SLC8A1: variants seen among roughly 807,000 people sequenced by gnomAD.
The protein encoded by SLC8A1 is sodium/calcium exchanger 1.
A neutral mutation model predicts 68.3 loss-of-function variants in SLC8A1; 18 were observed. The observed-to-expected ratio is 0.26, with a 90% CI of 0.18 to 0.39. SLC8A1 has a LOEUF of 0.39. Ranked by LOEUF, SLC8A1 falls within the 10% of genes least tolerant of loss-of-function variation. SLC8A1 has a pLI of 1.00. For missense variants in SLC8A1, 985 were observed against 1,156.7 expected (o/e 0.85, Z 2.15); for synonymous variants, 475 against 415.5 (o/e 1.14, Z -1.74).
At chr2:40,298,958 G>C (rs2070928627) in intron 2 of SLC8A1, among the ~76,000 whole-genome samples, 1 of 151,990 alleles carries the variant, frequency 6.6e-6, no homozygotes, top group African/African-American at 2.4e-5. Flanking sequence ...CCCCCCAAAA[G>C]TGGCCACATA....
At chr2:40,254,383 A>AGTTGT in intron 2 of SLC8A1, 1 of 146,584 alleles carries the variant, frequency 6.8e-6, no homozygotes. Context: ...AATGCTCTTA[A>AGTTGT]GTTGTAAATC....
chr2:40,288,858 T>C (rs937195049), intron 2 of SLC8A1, among the ~76,000 whole-genome samples: 2 of 133,296 alleles, frequency 1.5e-5, no homozygotes, highest in South Asian at 4.9e-4. Context: ...TATATGTATA[T>C]ATATGATTTT....
intron 1 of SLC8A1, among the ~76,000 whole-genome samples, chr2:40,464,037 G>A (rs1280481773): frequency 6.6e-6 from 1 of 152,096 alleles, no homozygotes; most frequent in Admixed American, 6.6e-5. Flanking sequence ...TGGGATTACA[G>A]GTGCATGCCA....
chr2:40,330,013 G>A (rs1046227970), intron 2 of SLC8A1, among the ~76,000 whole-genome samples: 1 of 152,152 alleles, frequency 6.6e-6, no homozygotes, highest in Non-Finnish European at 1.5e-5. Context: ...AACTTCAGAA[G>A]CATAAACTAA....
chr2:40,251,446 G>C (rs1173779467), intron 2 of SLC8A1: 1 of 152,190 alleles, frequency 6.6e-6, no homozygotes, highest in African/African-American at 2.4e-5. Flanking sequence ...GAAATAACAA[G>C]AATGGAAGAG....
chr2:40,362,971 C>A (rs574509539), intron 2 of SLC8A1, among the ~76,000 whole-genome samples: 1 of 152,074 alleles, frequency 6.6e-6, no homozygotes, highest in Non-Finnish European at 1.5e-5. Flanking sequence ...GACTAAATGT[C>A]CTTTCTGTTC....
At chr2:40,364,450 C>CAA (rs397829947) in intron 2 of SLC8A1, among the ~76,000 whole-genome samples, 27,140 of 144,726 alleles carry the variant, frequency 0.19, 2,679 homozygotes, top group African/African-American at 0.24. Context: ...GCAAGTAAAA[C>CAA]AAAAAAAAAA....
chr2:40,354,428 A>G (rs1312244520), intron 2 of SLC8A1, among the ~76,000 whole-genome samples: 3 of 152,168 alleles, frequency 2.0e-5, no homozygotes, highest in Non-Finnish European at 4.4e-5. Flanking sequence ...GACCTATGTA[A>G]GAGGTCAATG....
intron 2 of SLC8A1, among the ~76,000 whole-genome samples, chr2:40,368,624 A>G (rs1039096911): frequency 6.6e-6 from 1 of 152,086 alleles, no homozygotes; most frequent in Non-Finnish European, 1.5e-5. Flanking sequence ...CAAGTGGTAC[A>G]AGTGTAGGTT....
intron 2 of SLC8A1, among the ~76,000 whole-genome samples, chr2:40,180,603 A>G (rs1163960417): frequency 6.6e-6 from 1 of 152,238 alleles, no homozygotes; most frequent in East Asian, 1.9e-4. Context: ...TGATGGCCCA[A>G]CATCCATTAT....
chr2:40,315,753 T>A (rs2074358442), intron 2 of SLC8A1, among the ~76,000 whole-genome samples: 1 of 152,060 alleles, frequency 6.6e-6, no homozygotes, highest in Non-Finnish European at 1.5e-5. Context: ...AGACTTATTT[T>A]CCAGTAACAT....
intron 6 of SLC8A1, among the ~76,000 whole-genome samples, chr2:40,153,765 C>T (rs1466232457): frequency 6.6e-6 from 1 of 152,184 alleles, no homozygotes. Context: ...TCCTACACCA[C>T]AAAAACATTC....
chr2:40,484,253 C>A (rs1038124393), intron 1 of SLC8A1, among the ~76,000 whole-genome samples: 1 of 152,106 alleles, frequency 6.6e-6, no homozygotes, highest in African/African-American at 2.4e-5. Context: ...GTAGTGGGAG[C>A]AGCAGCAACA....
intron 2 of SLC8A1, among the ~76,000 whole-genome samples, chr2:40,192,155 C>T (rs1341717835): frequency 1.3e-5 from 2 of 152,002 alleles, no homozygotes; most frequent in East Asian, 3.9e-4. Flanking sequence ...TTATTATTAT[C>T]TAACTTAATC....
intron 2 of SLC8A1, among the ~76,000 whole-genome samples, chr2:40,358,749 A>T (rs140881062): frequency 2.6e-5 from 4 of 152,216 alleles, no homozygotes; most frequent in African/African-American, 4.8e-5. Context: ...AACAGGCAAG[A>T]CTCCTACTCT....
intron 2 of SLC8A1, among the ~76,000 whole-genome samples, chr2:40,401,061 C>T (rs2149655157): frequency 6.6e-6 from 1 of 152,332 alleles, no homozygotes; most frequent in East Asian, 1.9e-4. Flanking sequence ...TCATAGGTCA[C>T]TGTGAGGTGG....
At chr2:40,099,845 C>G (rs916288323) in exon 8 of SLC8A1, 1 of 152,044 alleles carries the variant, frequency 6.6e-6, no homozygotes, top group African/African-American at 2.4e-5. Context: ...TCATTTCCTA[C>G]CTGAATCCTC....
At chr2:40,428,521 T>A (rs745561024) in exon 2 of SLC8A1, 1 of 1,611,698 alleles carries the variant, frequency 6.2e-7, no homozygotes, top group East Asian at 2.2e-5. Context: ...GTCCTCAAAA[T>A]CCTCCCCTCC....
intron 2 of SLC8A1, among the ~76,000 whole-genome samples, chr2:40,211,410 C>CA (rs1295152971): frequency 6.6e-6 from 1 of 151,996 alleles, no homozygotes; most frequent in Non-Finnish European, 1.5e-5. Flanking sequence ...CTGAAGTTTA[C>CA]AAAAATGATT....
Sources: gnomAD v4.1 joint callset for allele counts (sites outside exome capture counted in the v4.1 genomes callset) on GRCh38, gnomAD v4.1.1 for gene constraint, MANE v1.5 for transcripts, NCBI Gene and HGNC (gene_info 2026-07-23, HGNC 2026-07-21) for gene names.